Variants in PARD3 observed in about 807,000 individuals in gnomAD.
PARD3 encodes the protein partitioning defective 3 homolog.
In PARD3, 75 loss-of-function variants were observed where a neutral mutation model predicts 155.4. The observed-to-expected ratio is 0.48, with a 90% confidence interval of 0.40 to 0.58. The LOEUF (loss-of-function observed/expected upper bound fraction) is 0.58. Among genes scored for constraint, PARD3 ranks in the 20% least tolerant of loss-of-function variants. PARD3 has a pLI of 0.00. For synonymous variants in PARD3, 576 were observed against 610.5 expected (o/e 0.94, Z 0.83); for missense variants, 1,642 against 1,721.7 (o/e 0.95, Z 0.82).
chr10:34,148,016 C>T (rs649760), intron 22 of PARD3, among the ~76,000 whole-genome samples: 39,651 of 152,030 alleles, frequency 0.26, 5,526 homozygotes, highest in Middle Eastern at 0.42. Context: ...TACTTCCAAC[C>T]GATGTCCAAG....
intron 1 of PARD3, among the ~76,000 whole-genome samples, chr10:34,719,423 A>G (rs2133713753): frequency 6.6e-6 from 1 of 152,214 alleles, no homozygotes; most frequent in East Asian, 1.9e-4. Context: ...CATCCCTCCA[A>G]TCTTGTTTAA....
Position 34,605,967 on chromosome 10 carries a change from ATATCTATATCTCC to A in PARD3, c.223-88821_223-88809del, listed in dbSNP as rs1411405117. Among the ~76,000 whole-genome samples, 50 of 107,544 alleles carry A rather than the reference ATATCTATATCTCC, an allele frequency of 4.6e-4. 12 individuals are homozygous for A. The highest frequency in any genetic ancestry group is 1.8e-3 in the African/African-American group (49 of 26,704). The allele number at this position is 107,544 out of a possible 152,430, so 70.6% of individuals were successfully genotyped here. On this transcript the variant is annotated intron_variant, in intron 2 of 24. Transcript: ENST00000374788. ...TATCTCCTATATATATATATCTCCT[ATATCTATATCTCC>A]TATATATATATATCTCCTATATATA...
At chr10:34,635,208 G>A (rs1395932901) in intron 2 of PARD3, among the ~76,000 whole-genome samples, 4 of 152,240 alleles carry the variant, frequency 2.6e-5, no homozygotes, top group Admixed American at 6.5e-5. Context: ...CTCCCCATGG[G>A]TGCTCTCAGC....
chr10:34,761,791 T>C (rs1442135796), intron 1 of PARD3, among the ~76,000 whole-genome samples: 1 of 152,114 alleles, frequency 6.6e-6, no homozygotes, highest in Non-Finnish European at 1.5e-5. Context: ...GGTGTTCTAC[T>C]TAAGAAAACG....
At chr10:34,313,047 C>T (rs149496834) in intron 20 of PARD3, among the ~76,000 whole-genome samples, 161 of 152,252 alleles carry the variant, frequency 1.1e-3, no homozygotes, top group African/African-American at 3.7e-3. Flanking sequence ...CCTTTAAAAA[C>T]GAACACATTT....
At chr10:34,661,318 T>C (rs2093320315) in intron 2 of PARD3, among the ~76,000 whole-genome samples, 1 of 152,212 alleles carries the variant, frequency 6.6e-6, no homozygotes. Context: ...AACAGTTTAT[T>C]ATGAAACAAT....
chr10:34,395,518 T>C (rs1843232949), intron 7 of PARD3, among the ~76,000 whole-genome samples: 1 of 152,070 alleles, frequency 6.6e-6, no homozygotes, highest in African/African-American at 2.4e-5. Context: ...TATTTTTGAA[T>C]AACATATACA....
chr10:34,494,246 G>C (rs1219540577), intron 3 of PARD3, among the ~76,000 whole-genome samples: 1 of 152,196 alleles, frequency 6.6e-6, no homozygotes, highest in Non-Finnish European at 1.5e-5. Flanking sequence ...GAGCACCAAA[G>C]AGAAGTTTTA....
At chr10:34,814,304 T>TA (rs1844600527) in intron 1 of PARD3, among the ~76,000 whole-genome samples, 1 of 151,540 alleles carries the variant, frequency 6.6e-6, no homozygotes, top group Admixed American at 6.6e-5. Flanking sequence ...GGGCCGCCCC[T>TA]GCCGGCCCCT....
At position 34,641,475 on chromosome 10, in the gene PARD3, T is replaced by C. The variant is rs556476936; in HGVS notation, c.222+54843A>G. ...TATTTGAGCCCTGCATTCTGGTCTT[T>C]GACTGAACAGTGGTCTTTACTGGAA... On this transcript the variant is annotated intron_variant, in intron 2 of 24. Coordinates refer to ENST00000374788, the MANE Select transcript of PARD3 (RefSeq NM_001184785.2). Among the ~76,000 whole-genome samples the C allele has an allele frequency of 2.8e-4, 43 of 152,296 alleles. No individual in the cohort carries two copies. The South Asian group carries it at 8.9e-3, about 32-fold the overall frequency.
At chr10:34,396,899 C>G (rs1589426925) in intron 7 of PARD3, among the ~76,000 whole-genome samples, 4 of 152,176 alleles carry the variant, frequency 2.6e-5, no homozygotes, top group African/African-American at 9.7e-5. Context: ...TTAAAATCAT[C>G]TTCCGCAACA....
chr10:34,731,876 G>C (rs1480420987), intron 1 of PARD3, among the ~76,000 whole-genome samples: 2 of 152,146 alleles, frequency 1.3e-5, no homozygotes, highest in East Asian at 3.9e-4. Context: ...ACTAAATTCA[G>C]TGAGACAAGT....
chr10:34,660,917 G>A (rs1374665021), intron 2 of PARD3, among the ~76,000 whole-genome samples: 5 of 151,888 alleles, frequency 3.3e-5, no homozygotes, highest in Admixed American at 3.3e-4. Flanking sequence ...TTGGTTGTGT[G>A]CCAATTTATC....
chr10:34,616,470 G>A (rs898295390), intron 2 of PARD3, among the ~76,000 whole-genome samples: 1 of 152,128 alleles, frequency 6.6e-6, no homozygotes, highest in Admixed American at 6.5e-5. Flanking sequence ...ACAAAATATT[G>A]GAATCAATCT....
intron 22 of PARD3, among the ~76,000 whole-genome samples, chr10:34,261,785 G>GAAAGGAAGAAAGAAAGA (rs1955009042): frequency 2.9e-3 from 108 of 37,020 alleles, no homozygotes; most frequent in African/African-American, 7.2e-3. Flanking sequence ...AGAAAGAAAA[G>GAAAGGAAGAAAGAAAGA]AAAGAAAGAA....
chr10:34,401,110 T>C (rs1482292002), intron 6 of PARD3, among the ~76,000 whole-genome samples: 1 of 152,168 alleles, frequency 6.6e-6, no homozygotes, highest in Non-Finnish European at 1.5e-5. Context: ...TAAATGTCAA[T>C]GTCTATATCC....
chr10:34,596,776 G>A (rs576749130), intron 2 of PARD3, among the ~76,000 whole-genome samples: 4 of 152,164 alleles, frequency 2.6e-5, no homozygotes, highest in Non-Finnish European at 5.9e-5. Context: ...GGAAGGGCAG[G>A]GCTAGTGATT....
At chr10:34,484,503 CAACT>C (rs1321548114) in intron 3 of PARD3, among the ~76,000 whole-genome samples, 2 of 152,182 alleles carry the variant, frequency 1.3e-5, no homozygotes, top group Non-Finnish European at 2.9e-5. Flanking sequence ...CTCGAGTACT[CAACT>C]AACATAGTTT....
chr10:34,382,592 A>G lies in PARD3; in HGVS notation c.1347T>C (p.Ser449=). The G allele has an allele frequency of 6.2e-7, 1 of 1,613,866 alleles. No homozygotes were observed. Among genetic ancestry groups the G allele is most frequent in the Non-Finnish European group, 8.5e-7 (1 of 1,180,000 alleles). Residue 449 remains serine (S), a synonymous_variant, in exon 9 of 25, where the codon AGT becomes AGC. Transcript: ENST00000374788. ...PQNVFSTTVS[S]GYNTKKIGKR... The stretch of plus-strand genomic sequence containing the variant: ...TGCCTATTTTTTTGGTGTTATAACC[A>G]CTGCTTACAGTCGTACTAAATACAT...
Sources: allele counts gnomAD v4.1 joint callset (sites outside exome capture counted in the v4.1 genomes callset), GRCh38; gene constraint gnomAD v4.1.1; transcripts MANE v1.5; gene names NCBI Gene and HGNC (gene_info 2026-07-23, HGNC 2026-07-21).